The following ABL1 variants were observed in gnomAD, a reference collection of about 807,000 sequenced individuals.
ABL1 encodes tyrosine-protein kinase ABL1.
ABL1 carries 11 observed loss-of-function variants against 94.7 expected under a neutral mutation model. That is an observed-to-expected ratio of 0.12 (90% confidence interval 0.07 to 0.19). The LOEUF is 0.19. Ranked by LOEUF, ABL1 falls within the 10% of genes least tolerant of loss-of-function variation. The pLI is 1.00. For missense variants in ABL1, 1,082 were observed against 1,489.4 expected (o/e 0.73, Z 4.50); for synonymous variants, 656 against 622.4 (o/e 1.05, Z -0.80).
Position 130,884,929 on chromosome 9 carries a change from ACTC to A in ABL1, c.2643_2645del (p.Ser882del), listed in dbSNP as rs774367377. The stretch of plus-strand genomic sequence containing the variant: ...GAGTCCAGAGTGAGGAGGCACAAGC[ACTC>A]CTCTGAGTCGCCAGGGAGGGACAAG... On this transcript the variant is annotated inframe_deletion, in exon 11 of 11. Transcript: ENST00000318560. The surrounding 1 kb of genome is among the most constrained non-coding windows in gnomAD (Gnocchi z 5.6). 2.5e-6 allele frequency: 4 copies of A among 1,611,408 alleles called. No homozygotes were observed. The East Asian group carries it at 6.7e-5, about 27-fold the overall frequency.
At chr9:130,834,897 C>CT (rs1199452353), upstream of ABL1, 1 of 456,004 alleles carries the variant, frequency 2.2e-6, no homozygotes, top group Admixed American at 2.3e-5. Flanking sequence ...GAGGGTTTGC[C>CT]TGGCACCGCG....
In ABL1 at chr9:130,874,984, TCCCC is replaced by T; in HGVS notation, c.1203_1206del (p.Phe401LeufsTer51). On this transcript the variant is annotated frameshift_variant, in exon 7 of 11. Transcript: ENST00000318560. LOFTEE classifies it high-confidence loss of function. ...TACACAGCCCATGCTGGAGCCAAGT[TCCCC>T]ATCAAATGGACTGCACCCGAGAGCC... 6.2e-7 allele frequency: 1 copy of T among 1,614,158 alleles called. No individual in the cohort carries two copies.
At chr9:130,744,749 G>T (rs1349499229) in intron 1 of ABL1, among the ~76,000 whole-genome samples, 1 of 150,722 alleles carries the variant, frequency 6.6e-6, no homozygotes, top group Admixed American at 6.6e-5. Context: ...TCCAGCTACT[G>T]GGGAGGCTGA....
At chr9:130,781,726 T>C (rs899722100) in intron 1 of ABL1, among the ~76,000 whole-genome samples, 1 of 152,234 alleles carries the variant, frequency 6.6e-6, no homozygotes, top group African/African-American at 2.4e-5. Flanking sequence ...TTATTTTGGC[T>C]TATTTTGAGA....
At position 130,884,366 on chromosome 9, in the gene ABL1, G is replaced by T; in HGVS notation, c.2076G>T (p.Thr692=). ...CCCACCTGTGGAAGAAGTCCAGCAC[G>T]CTGACCAGCAGCCGCCTAGCCACCG... is the stretch of plus-strand genomic sequence containing the variant. ...RSPHLWKKSS[T]LTSSRLATGE... Residue 692 remains threonine (T), a synonymous_variant, in exon 11 of 11, where the codon ACG becomes ACT. Coordinates refer to ENST00000318560, the MANE Select transcript of ABL1 (RefSeq NM_005157.6). The surrounding 1 kb of genome is among the most constrained non-coding windows in gnomAD (Gnocchi z 5.6). 6.2e-7 allele frequency: 1 copy of T among 1,611,870 alleles called. No homozygotes were observed. Among genetic ancestry groups the T allele is most frequent in the Non-Finnish European group, 8.5e-7 (1 of 1,179,768 alleles).
chr9:130,750,919 C>A (rs577069326), intron 1 of ABL1, among the ~76,000 whole-genome samples: 109 of 150,966 alleles, frequency 7.2e-4, no homozygotes, highest in African/African-American at 2.5e-3. Flanking sequence ...TGCTGGGATT[C>A]CAGGTGTGAG....
intron 1 of ABL1, among the ~76,000 whole-genome samples, chr9:130,836,457 G>A (rs1307595465): frequency 2.0e-5 from 3 of 152,164 alleles, no homozygotes; most frequent in Non-Finnish European, 4.4e-5. Context: ...ATTGCCTTCA[G>A]CAGAAAGGCT....
rs1261056896 is a variant in ABL1, at chr9:130,884,118, A to G, written c.1828A>G (p.Thr610Ala). 1.2e-6 allele frequency: 2 copies of G among 1,613,664 alleles called. No homozygotes were observed. The highest frequency in any genetic ancestry group is 2.7e-5 in the African/African-American group (2 of 74,942). ...FSALIKKKKK[T>A]APTPPKRSSS... ...CGCCTTGATCAAGAAGAAGAAGAAG[A>G]CAGCCCCAACCCCTCCCAAACGCAG... The change falls in exon 11 of 11, where the codon ACA becomes GCA. Residue 610 changes from threonine to alanine, a missense_variant. Physicochemically the swap from Thr to Ala is moderately conservative, Grantham distance 58. Coordinates refer to ENST00000318560, the MANE Select transcript of ABL1 (RefSeq NM_005157.6). The surrounding 1 kb of genome is among the most constrained non-coding windows in gnomAD (Gnocchi z 5.6).
intron 1 of ABL1, among the ~76,000 whole-genome samples, chr9:130,763,936 C>G (rs1832149120): frequency 6.6e-6 from 1 of 152,164 alleles, no homozygotes; most frequent in Admixed American, 6.5e-5. Flanking sequence ...GTACCGCTAC[C>G]ACCCCCTGCC....
intron 1 of ABL1, among the ~76,000 whole-genome samples, chr9:130,743,014 T>C (rs1042221644): frequency 6.6e-6 from 1 of 152,184 alleles, no homozygotes; most frequent in Non-Finnish European, 1.5e-5. Context: ...GCTTCACCGT[T>C]TTTTTAAAAT....
At chr9:130,833,072 C>G (rs1177621303), upstream of ABL1, among the ~76,000 whole-genome samples, 1 of 151,866 alleles carries the variant, frequency 6.6e-6, no homozygotes, top group South Asian at 2.1e-4. Flanking sequence ...GACTCAAGAG[C>G]AGAATATTAG....
chr9:130,751,652 C>G (rs1831969003), intron 1 of ABL1, among the ~76,000 whole-genome samples: 1 of 152,076 alleles, frequency 6.6e-6, no homozygotes, highest in Non-Finnish European at 1.5e-5. Flanking sequence ...CAAAGCCTTA[C>G]TGCTCCTGGC....
chr9:130,739,787 G>A (rs1831793491), intron 1 of ABL1, among the ~76,000 whole-genome samples: 2 of 152,122 alleles, frequency 1.3e-5, no homozygotes, highest in South Asian at 2.1e-4. Flanking sequence ...AGTGGCTCAC[G>A]CTGCAATTTC....
chr9:130,842,067 T>G (rs1427880090), intron 1 of ABL1, among the ~76,000 whole-genome samples: 11 of 105,984 alleles, frequency 1.0e-4, no homozygotes, highest in African/African-American at 7.4e-5. Flanking sequence ...GAAGGAAGAC[T>G]GAGAGAAGGG....
At chr9:130,713,852 T>A (rs530296443) in exon 1 of ABL1, 1 of 226,218 alleles carries the variant, frequency 4.4e-6, no homozygotes, top group Non-Finnish European at 8.8e-6. Flanking sequence ...GCAGGAAATT[T>A]GTTGGAAGAT....
At chr9:130,847,266 T>G (rs894966978) in intron 1 of ABL1, among the ~76,000 whole-genome samples, 1 of 152,220 alleles carries the variant, frequency 6.6e-6, no homozygotes, top group Non-Finnish European at 1.5e-5. Flanking sequence ...GCAGAAAATG[T>G]TCACTAAAAA....
At chr9:130,830,487 C>T (rs984539315), upstream of ABL1, among the ~76,000 whole-genome samples, 1 of 152,146 alleles carries the variant, frequency 6.6e-6, no homozygotes, top group Non-Finnish European at 1.5e-5. Flanking sequence ...TACATTTGAA[C>T]CTTAGTTGCT....
chr9:130,782,070 T>TC (rs1169586124), intron 1 of ABL1, among the ~76,000 whole-genome samples: 1 of 151,340 alleles, frequency 6.6e-6, no homozygotes, highest in African/African-American at 2.4e-5. Context: ...TTCTTTTTCT[T>TC]TTTTTTTTGA....
chr9:130,880,032 C>A lies in ABL1; in HGVS notation c.1424-36C>A. The A allele has an allele frequency of 6.3e-7, 1 of 1,594,690 alleles. No individual in the cohort carries two copies. The highest frequency in any genetic ancestry group is 1.1e-5 in the South Asian group (1 of 90,654). ...GCTAGCCCCGTATTGCTAGCCAGAT[C>A]TCATGGATGATCTGACTTGGGTTTC... On this transcript the variant is annotated intron_variant, in intron 8 of 10. Coordinates refer to ENST00000318560, the MANE Select transcript of ABL1 (RefSeq NM_005157.6). The surrounding 1 kb of genome is among the most constrained non-coding windows in gnomAD (Gnocchi z 4.4).
Sources: gnomAD v4.1 joint callset for allele counts (sites outside exome capture counted in the v4.1 genomes callset) on GRCh38, gnomAD v4.1.1 for gene constraint, Gnocchi (gnomAD v3.1) non-coding constraint, MANE v1.5 for transcripts, NCBI Gene and HGNC (gene_info 2026-07-23, HGNC 2026-07-21) for gene names.